SEC61A2: variants seen among roughly 807,000 people sequenced by gnomAD.
SEC61A2 encodes the protein SEC61 translocon subunit alpha 2, also known as protein transport protein Sec61 subunit alpha isoform 2.
Under a neutral mutation model 59.9 loss-of-function variants are expected in SEC61A2, and 28 were observed. The observed-to-expected ratio is 0.47, with a 90% CI of 0.35 to 0.64. SEC61A2 has a LOEUF of 0.64. Among genes scored for constraint, SEC61A2 ranks in the 30% least tolerant of loss-of-function variants. The probability of loss-of-function intolerance (pLI) is 0.01; values close to 1 mark genes in which losing one functional copy is unlikely to be tolerated. For missense variants in SEC61A2, 340 were observed against 585.9 expected (o/e 0.58, Z 4.33); for synonymous variants, 202 against 214.4 (o/e 0.94, Z 0.50).
chr10:12,153,850 T>C lies in SEC61A2; in HGVS notation c.463-1928T>C. 2 of 1,543,668 alleles carry C rather than the reference T, an allele frequency of 1.3e-6. No homozygotes were observed. The highest frequency in any genetic ancestry group is 1.8e-6 in the Non-Finnish European group (2 of 1,138,946). On this transcript the variant is annotated intron_variant, in intron 6 of 11. Coordinates refer to ENST00000298428, the MANE Select transcript of SEC61A2 (RefSeq NM_018144.4). This position sits in a 1 kb window ranked among gnomAD's most constrained non-coding sequence, Gnocchi z 5.2. The stretch of plus-strand genomic sequence containing the variant: ...TGTTTGCATGCCGTTGTGGAAGGTA[T>C]TTCTCACCTTATTTGTTTATGTTTC...
intron 2 of SEC61A2, among the ~76,000 whole-genome samples, chr10:12,135,009 T>G (rs1487756933): frequency 1.3e-5 from 2 of 152,064 alleles, no homozygotes; most frequent in Non-Finnish European, 2.9e-5. Flanking sequence ...GATGGGGAAC[T>G]TTAGTTACGT....
rs983174990 is a variant in SEC61A2 at position 12,160,343 on chromosome 10, C to G, written c.976-587C>G. Among the ~76,000 whole-genome samples, 7 of 152,088 alleles carry G rather than the reference C, an allele frequency of 4.6e-5. No individual in the cohort carries two copies. The highest frequency in any genetic ancestry group is 2.0e-4 in the Admixed American group (3 of 15,268). On this transcript the variant is annotated intron_variant, in intron 9 of 11. Transcript: ENST00000298428. This position sits in a 1 kb window ranked among gnomAD's most constrained non-coding sequence, Gnocchi z 4.1. ...CGCAACTAAAAATTGGTTTCTCACCCCCTATCTGTATACCCCAAAACTTTA... is the reference window on the plus strand; with the variant it reads ...CGCAACTAAAAATTGGTTTCTCACCGCCTATCTGTATACCCCAAAACTTTA...
chr10:12,164,219 T>C lies in SEC61A2; in HGVS notation c.1245-49T>C. 1 of 1,603,558 alleles carries C rather than the reference T, an allele frequency of 6.2e-7. No individual in the cohort carries two copies. Among genetic ancestry groups the C allele is most frequent in the Non-Finnish European group, 8.5e-7 (1 of 1,176,482 alleles). ...GACCTGTCTTCGTCTCTAGCTGCCGTGCTGTTCCTGGTCTCTGCTGCCGCC... is the reference window on the plus strand; with the variant it reads ...GACCTGTCTTCGTCTCTAGCTGCCGCGCTGTTCCTGGTCTCTGCTGCCGCC... On this transcript the variant is annotated intron_variant, in intron 11 of 11. Coordinates refer to ENST00000298428, the MANE Select transcript of SEC61A2 (RefSeq NM_018144.4). This position sits in a 1 kb window ranked among gnomAD's most constrained non-coding sequence, Gnocchi z 7.3.
At position 12,142,980 on chromosome 10, in the gene SEC61A2, G is replaced by A. The variant is rs930468859; in HGVS notation, c.142-137G>A. 3 of 607,514 alleles carry A rather than the reference G, an allele frequency of 4.9e-6. No homozygotes were observed. Among genetic ancestry groups the A allele is most frequent in the Non-Finnish European group, 8.8e-6 (3 of 339,348 alleles). The allele number at this position is 607,514 out of a possible 1,614,324, so 37.6% of individuals were successfully genotyped here. A position where few individuals can be genotyped will look rare whatever the true frequency, so the allele number is the denominator to read the frequency against. On this transcript the variant is annotated intron_variant, in intron 3 of 11. Transcript: ENST00000298428. The surrounding 1 kb of genome is among the most constrained non-coding windows in gnomAD (Gnocchi z 5.4). ...CTTTATACTTTTTTTTTTTGAGACA[G>A]AGTCTCCTGTCACCCAGGCTGGAGT...
At position 12,129,816 on chromosome 10, in the gene SEC61A2, G is replaced by T. The variant is rs1833685031; in HGVS notation, c.7+22G>T. ...GGCAGTGAGTAGCGGCGGCTGGAGCGGGGACTCTGGCTGGGAACGCAGGCC... is the reference window on the plus strand; with the variant it reads ...GGCAGTGAGTAGCGGCGGCTGGAGCTGGGACTCTGGCTGGGAACGCAGGCC... On this transcript the variant is annotated intron_variant, in intron 1 of 11. Transcript: ENST00000298428. This position sits in a 1 kb window ranked among gnomAD's most constrained non-coding sequence, Gnocchi z 5.6. 9.3e-6 allele frequency: 13 copies of T among 1,403,832 alleles called. No individual in the cohort carries two copies. Among genetic ancestry groups the T allele is most frequent in the Non-Finnish European group, 1.2e-5 (13 of 1,077,138 alleles). The allele number at this position is 1,403,832 out of a possible 1,614,324, so 87.0% of individuals were successfully genotyped here.
intron 1 of SEC61A2, among the ~76,000 whole-genome samples, chr10:12,131,632 T>G (rs1214378057): frequency 6.8e-6 from 1 of 146,666 alleles, no homozygotes; most frequent in East Asian, 2.1e-4. Flanking sequence ...CCTGGGAGAG[T>G]AACTAGGCAA....
At position 12,130,685 on chromosome 10, in the gene SEC61A2, A is replaced by G. The variant is rs116392102; in HGVS notation, c.7+891A>G. On this transcript the variant is annotated intron_variant, in intron 1 of 11. Coordinates refer to ENST00000298428, the MANE Select transcript of SEC61A2 (RefSeq NM_018144.4). The stretch of plus-strand genomic sequence containing the variant: ...TCTAGGAAGCCTCCTGATGTGATTG[A>G]TACTTGTTTCGCGTTAGCAATGAAT... 932 of 154,490 alleles carry G rather than the reference A, an allele frequency of 6.0e-3. 7 individuals are homozygous for G. The highest frequency in any genetic ancestry group is 0.021 in the African/African-American group (875 of 41,644). The allele number at this position is 154,490 out of a possible 1,614,324, so 9.6% of individuals were successfully genotyped here.
In SEC61A2 at chr10:12,156,506, C is replaced by T. The variant is rs1161738706; in HGVS notation, c.617-401C>T. ...TTAATGTTCTTGGTGCGGTAAACTT[C>T]GAGGCAGGCTCGATAGAGTGACATC... On this transcript the variant is annotated intron_variant, in intron 7 of 11. Transcript: ENST00000298428. The surrounding 1 kb of genome is among the most constrained non-coding windows in gnomAD (Gnocchi z 5.2). Among the ~76,000 whole-genome samples the T allele has an allele frequency of 2.0e-5, 3 of 152,200 alleles. No homozygotes were observed. Among genetic ancestry groups the T allele is most frequent in the Admixed American group, 6.5e-5 (1 of 15,284 alleles).
chr10:12,147,342 C>T lies in SEC61A2; in HGVS notation c.221-2253C>T, dbSNP rs193119365. ...TTGCCCAAGATGATAAGCTACTCAC[C>T]CATATTTCCTTCTAGTATTTTTGTC... On this transcript the variant is annotated intron_variant, in intron 4 of 11. Transcript: ENST00000298428. 7.4e-4 allele frequency among the ~76,000 whole-genome samples: 113 copies of T among 152,234 alleles called. 1 individual carries two copies. The highest frequency in any genetic ancestry group is 2.2e-3 in the African/African-American group (92 of 41,536).
intron 1 of SEC61A2, among the ~76,000 whole-genome samples, chr10:12,132,472 G>A (rs1833774800): frequency 2.0e-5 from 3 of 151,622 alleles, no homozygotes; most frequent in Admixed American, 1.3e-4. Context: ...AAATTAGCTG[G>A]GCTTGGTGGC....
intron 3 of SEC61A2, among the ~76,000 whole-genome samples, chr10:12,138,881 T>C (rs1230542614): frequency 6.6e-6 from 1 of 152,262 alleles, no homozygotes; most frequent in Non-Finnish European, 1.5e-5. Flanking sequence ...GAAGTACAGC[T>C]GTTGGGTTTT....
rs1418454326 is a variant in SEC61A2 at position 12,152,080 on chromosome 10, CA to C, written c.462+2120del. On this transcript the variant is annotated intron_variant, in intron 6 of 11. Coordinates refer to ENST00000298428, the MANE Select transcript of SEC61A2 (RefSeq NM_018144.4). The surrounding 1 kb of genome is among the most constrained non-coding windows in gnomAD (Gnocchi z 5.5). ...AGATGGAACTGTTTTGTCATTTGACCAGGGCAGGAATTTTTTTTTTCGAGAC... is the reference window on the plus strand; with the variant it reads ...AGATGGAACTGTTTTGTCATTTGACCGGGCAGGAATTTTTTTTTTCGAGAC... Among the ~76,000 whole-genome samples the C allele has an allele frequency of 1.3e-5, 2 of 152,016 alleles. No homozygotes were observed. The highest frequency in any genetic ancestry group is 1.3e-4 in the Admixed American group (2 of 15,250).
intron 3 of SEC61A2, among the ~76,000 whole-genome samples, chr10:12,141,453 G>T (rs1199090644): frequency 6.6e-6 from 1 of 152,198 alleles, no homozygotes; most frequent in Non-Finnish European, 1.5e-5. Context: ...TTAAGGCCAA[G>T]TGCTGTATCC....
rs958111786 is a variant in SEC61A2, at chr10:12,156,792, G to A, written c.617-115G>A. The A allele has an allele frequency of 2.4e-5, 23 of 965,698 alleles. No homozygotes were observed. The South Asian group carries it at 2.6e-4, about 11-fold the overall frequency. 59.8% of individuals were successfully genotyped at this position (965,698 alleles called of 1,614,324 possible). ...GCTATATCATAAAGCAAACATTGGCGAATTCTTTTGACCCATATTTTCTGC... is the reference window on the plus strand; with the variant it reads ...GCTATATCATAAAGCAAACATTGGCAAATTCTTTTGACCCATATTTTCTGC... On this transcript the variant is annotated intron_variant, in intron 7 of 11. Transcript: ENST00000298428. This position sits in a 1 kb window ranked among gnomAD's most constrained non-coding sequence, Gnocchi z 5.2.
At position 12,149,798 on chromosome 10, in the gene SEC61A2, C is replaced by T. The variant is rs1045254745; in HGVS notation, c.353-54C>T. 10 of 1,606,248 alleles carry T rather than the reference C, an allele frequency of 6.2e-6. No homozygotes were observed. Among genetic ancestry groups the T allele is most frequent in the African/African-American group, 1.3e-5 (1 of 74,544 alleles). ...TCGTGGTAAAGATGTTTTCTCTAGT[C>T]TTTTCTTGTCTTTGGTGGTAAGCGT... On this transcript the variant is annotated intron_variant, in intron 5 of 11. Coordinates refer to ENST00000298428, the MANE Select transcript of SEC61A2 (RefSeq NM_018144.4). The surrounding 1 kb of genome is among the most constrained non-coding windows in gnomAD (Gnocchi z 5.2).
In SEC61A2 at chr10:12,164,606, G is replaced by C; in HGVS notation, c.*152G>C. 6.9e-7 allele frequency: 1 copy of C among 1,440,242 alleles called. No individual in the cohort carries two copies. The highest frequency in any genetic ancestry group is 9.1e-7 in the Non-Finnish European group (1 of 1,102,910). 89.2% of individuals were successfully genotyped at this position (1,440,242 alleles called of 1,614,324 possible). A position where few individuals can be genotyped will look rare whatever the true frequency, so the allele number is the denominator to read the frequency against. ...GTTTCTGAAATGGGCACCGAGCTAA[G>C]TCTGTGTGCAGCATTAGTACCCGCT... On this transcript the variant is annotated 3_prime_UTR_variant, in exon 12 of 12. Coordinates refer to ENST00000298428, the MANE Select transcript of SEC61A2 (RefSeq NM_018144.4). The surrounding 1 kb of genome is among the most constrained non-coding windows in gnomAD (Gnocchi z 7.3).
chr10:12,134,155 C>G (rs1416432243), intron 2 of SEC61A2, among the ~76,000 whole-genome samples: 1 of 152,180 alleles, frequency 6.6e-6, no homozygotes, highest in Non-Finnish European at 1.5e-5. Flanking sequence ...TACAGGCGCC[C>G]ACCACCATGC....
intron 9 of SEC61A2, among the ~76,000 whole-genome samples, chr10:12,159,306 G>A (rs372139407): frequency 4.4e-4 from 67 of 152,120 alleles, no homozygotes; most frequent in African/African-American, 1.5e-3. Flanking sequence ...ATCTAGCCAC[G>A]CTGTTATTGA....
At position 12,164,884 on chromosome 10, in the gene SEC61A2, A is replaced by G. The variant is rs1003317390; in HGVS notation, c.*430A>G. 16 of 975,060 alleles carry G rather than the reference A, an allele frequency of 1.6e-5. No homozygotes were observed. Among genetic ancestry groups the G allele is most frequent in the African/African-American group, 1.4e-4 (8 of 56,996 alleles). 60.4% of individuals were successfully genotyped at this position (975,060 alleles called of 1,614,324 possible). ...GTTCTGGAACATTTATATCTAATCT[A>G]TATTTTAGATAATTACTTTTTATAC... On this transcript the variant is annotated 3_prime_UTR_variant, in exon 12 of 12. Transcript: ENST00000298428. The surrounding 1 kb of genome is among the most constrained non-coding windows in gnomAD (Gnocchi z 7.3).
Sources: gnomAD v4.1 joint callset for allele counts (sites outside exome capture counted in the v4.1 genomes callset) on GRCh38, gnomAD v4.1.1 for gene constraint, Gnocchi (gnomAD v3.1) non-coding constraint, MANE v1.5 for transcripts, NCBI Gene and HGNC (gene_info 2026-07-23, HGNC 2026-07-21) for gene names.